Variants in NXPH1 observed in about 807,000 individuals in gnomAD.
The protein encoded by NXPH1 is neurexophilin 1.
NXPH1 carries 5 observed loss-of-function variants against 23.7 expected under a neutral mutation model. The observed-to-expected ratio is 0.21, with a 90% CI of 0.11 to 0.44. NXPH1 has a LOEUF of 0.44. Ranked by LOEUF, NXPH1 falls within the 20% of genes least tolerant of loss-of-function variation. NXPH1 has a pLI of 0.99. For synonymous variants in NXPH1, 144 were observed against 122.2 expected, an observed-to-expected ratio of 1.18 and a Z score of -1.18; for missense variants, 324 against 321.6, an observed-to-expected ratio of 1.01 and a Z score of -0.06.
chr7:8,517,757 C>G (rs1261960653), intron 2 of NXPH1, among the ~76,000 whole-genome samples: 2 of 152,120 alleles, frequency 1.3e-5, no homozygotes, highest in Non-Finnish European at 2.9e-5. Context: ...TTCTTATACT[C>G]TACTTGGGAC....
intron 2 of NXPH1, among the ~76,000 whole-genome samples, chr7:8,450,445 T>C (rs943449516): frequency 1.3e-5 from 2 of 152,378 alleles, no homozygotes; most frequent in Middle Eastern, 3.4e-3. Flanking sequence ...AGGTCTTTCA[T>C]TGCATTCTGC....
At chr7:8,448,858 A>G (rs1563313253) in intron 2 of NXPH1, among the ~76,000 whole-genome samples, 1 of 151,578 alleles carries the variant, frequency 6.6e-6, no homozygotes. Context: ...TTCTACAGCA[A>G]CTAGCGAATT....
chr7:8,495,460 A>AT (rs1160363096), intron 2 of NXPH1, among the ~76,000 whole-genome samples: 2 of 152,042 alleles, frequency 1.3e-5, no homozygotes, highest in Non-Finnish European at 2.9e-5. Flanking sequence ...AAAATTTGCC[A>AT]TCACACACCA....
At chr7:8,716,072 A>G (rs1019461439) in intron 2 of NXPH1, among the ~76,000 whole-genome samples, 11 of 152,170 alleles carry the variant, frequency 7.2e-5, no homozygotes, top group African/African-American at 2.4e-4. Context: ...AAAACAAAAG[A>G]GGGACAGCAG....
intron 2 of NXPH1, among the ~76,000 whole-genome samples, chr7:8,616,709 A>G (rs1462525313): frequency 6.6e-6 from 1 of 151,874 alleles, no homozygotes; most frequent in Non-Finnish European, 1.5e-5. Context: ...ACAGTGAACT[A>G]AAAAAAAGTG....
intron 2 of NXPH1, among the ~76,000 whole-genome samples, chr7:8,664,203 G>A (rs1009248620): frequency 5.3e-5 from 8 of 152,012 alleles, no homozygotes; most frequent in Non-Finnish European, 1.0e-4. Context: ...TCCCTCAAGT[G>A]CTTTCTCTTT....
intron 2 of NXPH1, among the ~76,000 whole-genome samples, chr7:8,664,521 G>T (rs1362320485): frequency 6.6e-6 from 1 of 152,068 alleles, no homozygotes. Flanking sequence ...TATAAAAAAA[G>T]AAAGAAAAAT....
intron 2 of NXPH1, among the ~76,000 whole-genome samples, chr7:8,628,759 A>C (rs1000618908): frequency 6.6e-6 from 1 of 152,078 alleles, no homozygotes; most frequent in Non-Finnish European, 1.5e-5. Context: ...TAAATGAAGA[A>C]GCAAAGCTTG....
chr7:8,557,537 T>TA (rs1818379598), intron 2 of NXPH1, among the ~76,000 whole-genome samples: 1 of 151,696 alleles, frequency 6.6e-6, no homozygotes, highest in South Asian at 2.1e-4. Flanking sequence ...TCTTGGTTTG[T>TA]AGACTAGAGC....
chr7:8,705,729 T>C (rs1779693784), intron 2 of NXPH1, among the ~76,000 whole-genome samples: 1 of 152,180 alleles, frequency 6.6e-6, no homozygotes. Context: ...CTATGACTAT[T>C]GCAAAGATCA....
intron 2 of NXPH1, among the ~76,000 whole-genome samples, chr7:8,735,634 G>C (rs539573972): frequency 1.3e-5 from 2 of 152,276 alleles, no homozygotes; most frequent in African/African-American, 4.8e-5. Context: ...TTTGGTACCA[G>C]GATGATGCTG....
chr7:8,497,613 T>C (rs1453775969), intron 2 of NXPH1, among the ~76,000 whole-genome samples: 1 of 152,202 alleles, frequency 6.6e-6, no homozygotes, highest in Non-Finnish European at 1.5e-5. Context: ...TGATGGCCAG[T>C]GATGATGAGC....
At chr7:8,725,804 ATT>A (rs34868585) in intron 2 of NXPH1, among the ~76,000 whole-genome samples, 26,502 of 151,086 alleles carry the variant, frequency 0.18, 2,398 homozygotes, top group Admixed American at 0.23. Context: ...ATCTTTACCT[ATT>A]TTTTTTTATT....
At chr7:8,441,080 G>A (rs888726868) in intron 2 of NXPH1, among the ~76,000 whole-genome samples, 7 of 152,130 alleles carry the variant, frequency 4.6e-5, no homozygotes, top group African/African-American at 1.7e-4. Context: ...TTCGATTCAG[G>A]AAAGCTCCTC....
At chr7:8,527,668 G>C (rs918209542) in intron 2 of NXPH1, among the ~76,000 whole-genome samples, 3 of 152,176 alleles carry the variant, frequency 2.0e-5, no homozygotes, top group African/African-American at 7.2e-5. Flanking sequence ...TCCAGACTCT[G>C]GCAGGAGAGA....
chr7:8,700,944 A>G (rs948909502), intron 2 of NXPH1, among the ~76,000 whole-genome samples: 2 of 152,114 alleles, frequency 1.3e-5, no homozygotes, highest in Non-Finnish European at 2.9e-5. Context: ...GTAATATTTC[A>G]TGATATGTGA....
chr7:8,737,168 T>C (rs1006361181), intron 2 of NXPH1, among the ~76,000 whole-genome samples: 3 of 152,180 alleles, frequency 2.0e-5, no homozygotes, highest in Non-Finnish European at 4.4e-5. Flanking sequence ...TTTGATCATG[T>C]CAGTATGATG....
chr7:8,712,215 T>C (rs1779809358), intron 2 of NXPH1, among the ~76,000 whole-genome samples: 2 of 152,148 alleles, frequency 1.3e-5, no homozygotes, highest in Non-Finnish European at 2.9e-5. Flanking sequence ...TTGAACTCGG[T>C]ATGTTTAATT....
chr7:8,622,775 T>G (rs967591057), intron 2 of NXPH1, among the ~76,000 whole-genome samples: 1 of 152,138 alleles, frequency 6.6e-6, no homozygotes, highest in South Asian at 2.1e-4. Context: ...GAAAATATGG[T>G]TGAGGACAAG....
Sources: allele counts gnomAD v4.1 joint callset (sites outside exome capture counted in the v4.1 genomes callset), GRCh38; gene constraint gnomAD v4.1.1; transcripts MANE v1.5; gene names NCBI Gene and HGNC (gene_info 2026-07-23, HGNC 2026-07-21).